PIR: variants seen among roughly 807,000 people sequenced by gnomAD.
PIR encodes pirin, also known as pirin (iron-binding nuclear protein).
In PIR, 22 loss-of-function variants were observed where a neutral mutation model predicts 24.2. That is an observed-to-expected ratio of 0.91 (90% CI 0.65 to 1.30). The LOEUF is 1.30. Ranked by LOEUF, PIR falls within the 50% of genes most tolerant of loss-of-function variation. The pLI is 0.00. For missense variants in PIR, 220 were observed against 220.3 expected (o/e 1.00, Z 0.01); for synonymous variants, 80 against 79.6 (o/e 1.00, Z -0.03).
chrX:15,464,437 G>A (rs1180399006), intron 3 of PIR: 3 of 751,755 alleles, frequency 4.0e-6, no homozygotes, highest in Middle Eastern at 7.5e-4. Context: ...AAGTGATATA[G>A]TTTATTTTAC....
intron 1 of PIR, 51 bp downstream of exon 1, chrX:15,493,139 C>T (rs762053533): frequency 8.8e-6 from 1 of 112,998 alleles, no homozygotes; most frequent in South Asian, 3.6e-4. Context: ...GCAAACTGAC[C>T]GCCAGCATTC....
intron 5 of PIR, among the ~76,000 whole-genome samples, chrX:15,427,165 C>T (rs957428468): frequency 1.8e-5 from 2 of 110,816 alleles, no homozygotes; most frequent in African/African-American, 6.6e-5. Flanking sequence ...CAAAACAAGC[C>T]AAAATTAATT....
At chrX:15,465,503 G>T (rs972845985) in intron 3 of PIR, among the ~76,000 whole-genome samples, 5 of 111,932 alleles carry the variant, frequency 4.5e-5, no homozygotes, top group Admixed American at 1.9e-4. Flanking sequence ...ATTGCCGTGG[G>T]TGGCTGACGA....
chrX:15,445,178 G>C (rs1318594364), intron 5 of PIR, among the ~76,000 whole-genome samples: 2 of 111,580 alleles, frequency 1.8e-5, no homozygotes, highest in African/African-American at 6.5e-5. Flanking sequence ...ACTGAAGGCA[G>C]TGGGACAGAA....
At chrX:15,470,174 G>A (rs780738004) in intron 3 of PIR, among the ~76,000 whole-genome samples, 13 of 111,833 alleles carry the variant, frequency 1.2e-4, no homozygotes, top group Non-Finnish European at 2.4e-4. Flanking sequence ...TGTGAACTTC[G>A]CAAGTCACCG....
intron 2 of PIR, among the ~76,000 whole-genome samples, chrX:15,488,270 C>T (rs1288252087): frequency 2.5e-5 from 2 of 81,233 alleles, no homozygotes; most frequent in Admixed American, 1.5e-4. Flanking sequence ...AAGAGCGAAA[C>T]TCCGTCTCAA....
chrX:15,427,627 TAC>T (rs1336723981), intron 5 of PIR, among the ~76,000 whole-genome samples: 1 of 109,746 alleles, frequency 9.1e-6, no homozygotes, highest in Non-Finnish European at 1.9e-5. Context: ...TGTATAGTAA[TAC>T]AGTTATTGAC....
intron 9 of PIR, chrX:15,389,980 A>G: frequency 3.6e-6 from 1 of 276,428 alleles, no homozygotes; most frequent in Non-Finnish European, 6.6e-6. Context: ...GGTATCTAAG[A>G]AATGTTTCTT....
chrX:15,416,602 T>C (rs1602255390), intron 6 of PIR, among the ~76,000 whole-genome samples: 1 of 111,773 alleles, frequency 8.9e-6, no homozygotes, highest in Non-Finnish European at 1.9e-5. Context: ...CGTATTGCCC[T>C]ATATAATTCC....
chrX:15,431,732 GA>G (rs775257637), intron 5 of PIR, among the ~76,000 whole-genome samples: 241 of 96,779 alleles, frequency 2.5e-3, no homozygotes, highest in African/African-American at 8.2e-3. Flanking sequence ...TTAATCTGAA[GA>G]AAAAAGTTTA....
intron 2 of PIR, among the ~76,000 whole-genome samples, chrX:15,485,877 T>C (rs937450404): frequency 1.3e-4 from 15 of 112,438 alleles, no homozygotes; most frequent in African/African-American, 4.9e-4. Flanking sequence ...TACAAAACTC[T>C]GATTTTTCTA....
At chrX:15,479,397 C>T (rs1274353676) in intron 3 of PIR, among the ~76,000 whole-genome samples, 11 of 105,822 alleles carry the variant, frequency 1.0e-4, no homozygotes, top group African/African-American at 3.8e-4. Context: ...CAGAATGGAG[C>T]GTAGTGACAT....
At chrX:15,446,893 C>T (rs1227457410) in intron 5 of PIR, among the ~76,000 whole-genome samples, 1 of 111,733 alleles carries the variant, frequency 8.9e-6, no homozygotes, top group East Asian at 2.8e-4. Context: ...TACTGAACAG[C>T]CCCCGGATCT....
intron 5 of PIR, among the ~76,000 whole-genome samples, chrX:15,434,656 T>A (rs566328145): frequency 8.2e-5 from 9 of 109,375 alleles, no homozygotes; most frequent in Non-Finnish European, 1.5e-4. Context: ...GAATGGAAAA[T>A]TGGCGGCTAT....
rs761347306 is a variant in PIR at position 15,492,129 on chromosome X, C to A, written c.-52-820G>T. On this transcript the variant is annotated intron_variant, in intron 1 of 9. Coordinates refer to ENST00000380420, the MANE Select transcript of PIR (RefSeq NM_001018109.3). Reference sequence around the variant, plus strand: ...CAGATGGGGGCAGGTTTGTGTGGCGCCTTAGAGAAAATGGAGAAAAACAAA... The same window carrying A: ...CAGATGGGGGCAGGTTTGTGTGGCGACTTAGAGAAAATGGAGAAAAACAAA... Among the ~76,000 whole-genome samples the A allele has an allele frequency of 3.7e-5, 4 of 109,337 alleles. No homozygotes were observed. In the South Asian group the frequency reaches 1.7e-3, roughly 45 times the overall value. 94.9% of individuals were successfully genotyped at this position (109,337 alleles called of 115,157 possible).
At chrX:15,467,265 A>G (rs1190641625) in intron 3 of PIR, among the ~76,000 whole-genome samples, 2 of 112,813 alleles carry the variant, frequency 1.8e-5, no homozygotes, top group East Asian at 5.5e-4. Context: ...ACAAAGATCT[A>G]AAACAACATT....
intron 5 of PIR, among the ~76,000 whole-genome samples, chrX:15,436,585 C>G (rs1361114035): frequency 8.9e-6 from 1 of 112,188 alleles, no homozygotes; most frequent in East Asian, 2.8e-4. Context: ...CCCAAATAGG[C>G]TAACACAGAG....
chrX:15,485,385 A>T (rs979275780), intron 2 of PIR, among the ~76,000 whole-genome samples: 7 of 111,516 alleles, frequency 6.3e-5, no homozygotes, highest in African/African-American at 2.3e-4. Context: ...CATTAATCCC[A>T]TTCCTGAGGG....
intron 5 of PIR, among the ~76,000 whole-genome samples, chrX:15,450,130 T>A (rs2147054647): frequency 8.9e-6 from 1 of 112,451 alleles, no homozygotes; most frequent in East Asian, 2.8e-4. Context: ...TCCATCCTTA[T>A]CCCTGCTACC....
Sources: allele counts gnomAD v4.1 joint callset (sites outside exome capture counted in the v4.1 genomes callset), GRCh38; gene constraint gnomAD v4.1.1; transcripts MANE v1.5; gene names NCBI Gene and HGNC (gene_info 2026-07-23, HGNC 2026-07-21).